MRC1: variants seen among roughly 807,000 people sequenced by gnomAD.
The protein encoded by MRC1 is macrophage mannose receptor 1.
In MRC1, 62 loss-of-function variants were observed where a neutral mutation model predicts 102.9. The observed-to-expected ratio is 0.60, with a 90% CI of 0.49 to 0.74. MRC1 has a LOEUF of 0.74. Among genes scored for constraint, MRC1 ranks in the 30% least tolerant of loss-of-function variants. MRC1 has a pLI of 0.00. For synonymous variants in MRC1, 457 were observed against 298.4 expected, an observed-to-expected ratio of 1.53 and a Z score of -5.48; for missense variants, 1,237 against 862.8, an observed-to-expected ratio of 1.43 and a Z score of -5.43.
intron 5 of MRC1, 149 bp downstream of exon 5, chr10:17,840,955 T>C: frequency 4.2e-6 from 3 of 717,154 alleles, no homozygotes; most frequent in Middle Eastern, 3.7e-4. Context: ...TTGAAATCTA[T>C]GCTAGATTTC....
intron 21 of MRC1, among the ~76,000 whole-genome samples, chr10:17,883,985 G>C (rs1833554820): frequency 6.6e-6 from 1 of 152,180 alleles, no homozygotes; most frequent in Non-Finnish European, 1.5e-5. Flanking sequence ...GATTTGTGTA[G>C]AGATGGGGTC....
Position 17,820,927 on chromosome 10 carries a change from C to T in MRC1, c.62-2147C>T, listed in dbSNP as rs1278116926. ...CAAAGCCCTATATTATCAAAATTCT[C>T]ATTTTATTGCCAAGGTAGAAAATTA... On this transcript the variant is annotated intron_variant, in intron 1 of 29. Transcript: ENST00000569591. Among the ~76,000 whole-genome samples the T allele has an allele frequency of 5.3e-5, 8 of 152,282 alleles. No individual in the cohort carries two copies. The South Asian group carries it at 1.5e-3, about 28-fold the overall frequency.
chr10:17,825,121 C>T (rs1000021646), intron 2 of MRC1, among the ~76,000 whole-genome samples: 2 of 152,096 alleles, frequency 1.3e-5, no homozygotes, highest in Admixed American at 6.5e-5. Context: ...CTCCTCAGTT[C>T]TAGCTCTGCA....
chr10:17,866,172 GA>G (rs1208321412), intron 11 of MRC1, among the ~76,000 whole-genome samples: 2 of 151,944 alleles, frequency 1.3e-5, no homozygotes, highest in Non-Finnish European at 2.9e-5. Context: ...TGAAATCTGT[GA>G]AAAACTTTGG....
At chr10:17,899,774 C>T (rs1833803438) in intron 24 of MRC1, among the ~76,000 whole-genome samples, 2 of 151,974 alleles carry the variant, frequency 1.3e-5, no homozygotes, top group Non-Finnish European at 2.9e-5. Flanking sequence ...TGTATGTGAT[C>T]ATAAATTTGT....
chr10:17,856,220 TC>T (rs797028106), intron 8 of MRC1, 21 bp from the exon 9 acceptor site: 26 of 824,236 alleles, frequency 3.2e-5, no homozygotes, highest in African/African-American at 6.7e-5. Flanking sequence ...TTTATTTTTT[TC>T]TCTCTCTCTG....
intron 10 of MRC1, among the ~76,000 whole-genome samples, chr10:17,862,181 T>C (rs1312580263): frequency 2.0e-5 from 3 of 152,292 alleles, no homozygotes; most frequent in African/African-American, 4.8e-5. Context: ...TACTGGACTT[T>C]CGAGGCAGAC....
intron 20 of MRC1, 109 bp downstream of exon 20, chr10:17,880,779 G>A: frequency 1.3e-6 from 1 of 759,150 alleles, no homozygotes. Context: ...GAAAATTTTT[G>A]GCAAGAATAG....
chr10:17,843,725 G>A (rs1193834090), intron 5 of MRC1, among the ~76,000 whole-genome samples: 1 of 152,024 alleles, frequency 6.6e-6, no homozygotes, highest in Admixed American at 6.6e-5. Flanking sequence ...TTGTGTGGTA[G>A]TTAAATAAAC....
At chr10:17,838,119 C>T (rs2477634) in intron 4 of MRC1, among the ~76,000 whole-genome samples, 148,639 of 152,160 alleles carry the variant, frequency 0.98, 72,651 homozygotes, top group Middle Eastern at 1. Context: ...GTTTAGAAAA[C>T]AGCTGAACTG....
intron 22 of MRC1, among the ~76,000 whole-genome samples, chr10:17,887,957 C>G (rs1833623588): frequency 6.6e-6 from 1 of 152,102 alleles, no homozygotes. Context: ...TGCACACCAC[C>G]ACACCTGGCT....
At chr10:17,893,675 A>C (rs1487164382) in intron 22 of MRC1, among the ~76,000 whole-genome samples, 2 of 152,228 alleles carry the variant, frequency 1.3e-5, no homozygotes, top group African/African-American at 4.8e-5. Context: ...TTCACAACCA[A>C]ACAAATATAA....
chr10:17,907,494 T>C (rs782367656), intron 27 of MRC1, 40 bp from the exon 28 acceptor site: 3 of 780,466 alleles, frequency 3.8e-6, no homozygotes, highest in Non-Finnish European at 7.2e-6. Flanking sequence ...AGATAGGTTA[T>C]ATTTAACTTT....
intron 28 of MRC1, among the ~76,000 whole-genome samples, chr10:17,907,960 G>A (rs782800416): frequency 0.054 from 8,206 of 152,280 alleles, 318 homozygotes; most frequent in South Asian, 0.096. Flanking sequence ...GATTTGCCAA[G>A]CTGCAAACAG....
At position 17,834,766 on chromosome 10, in the gene MRC1, G is replaced by T. The variant is rs1478336788; in HGVS notation, c.802+927G>T. On this transcript the variant is annotated intron_variant, in intron 4 of 29. Transcript: ENST00000569591. ...TTTATTAGATTGTGAAGACTAAAAG[G>T]GCTAAAGTTTGCTTGAGAAGAGAGT... 5.3e-5 allele frequency among the ~76,000 whole-genome samples: 8 copies of T among 152,244 alleles called. No homozygotes were observed. In the East Asian group the frequency reaches 1.5e-3, roughly 29 times the overall value.
chr10:17,858,961 T>G (rs1457182129), intron 9 of MRC1, among the ~76,000 whole-genome samples: 1 of 152,264 alleles, frequency 6.6e-6, no homozygotes, highest in African/African-American at 2.4e-5. Flanking sequence ...CTATGCTTTC[T>G]GTCAACATGT....
At chr10:17,843,669 GA>G (rs1338324582) in intron 5 of MRC1, among the ~76,000 whole-genome samples, 48 of 146,008 alleles carry the variant, frequency 3.3e-4, no homozygotes, top group Non-Finnish European at 6.4e-4. Context: ...ATCTCAAAAA[GA>G]AAAAAAAAAG....
At chr10:17,814,459 A>C (rs1420168422) in intron 1 of MRC1, among the ~76,000 whole-genome samples, 1 of 152,178 alleles carries the variant, frequency 6.6e-6, no homozygotes, top group Non-Finnish European at 1.5e-5. Context: ...TCTCATTTAG[A>C]AATTCACGGT....
intron 7 of MRC1, among the ~76,000 whole-genome samples, chr10:17,851,103 GGTTA>G (rs1230004691): frequency 2.6e-5 from 4 of 152,128 alleles, no homozygotes; most frequent in East Asian, 1.9e-4. Context: ...GCAGAAAACA[GGTTA>G]GTTAGGATGC....
Sources: allele counts gnomAD v4.1 joint callset (sites outside exome capture counted in the v4.1 genomes callset), GRCh38; gene constraint gnomAD v4.1.1; transcripts MANE v1.5; gene names NCBI Gene and HGNC (gene_info 2026-07-23, HGNC 2026-07-21).